Variants in DNAH6 observed in about 807,000 individuals in gnomAD.
DNAH6 encodes dynein axonemal heavy chain 6, also known as axonemal beta dynein heavy chain 6.
Under a neutral mutation model 491.4 loss-of-function variants are expected in DNAH6, and 340 were observed. The ratio of observed to expected loss-of-function variants is 0.69; its 90% CI spans 0.63 to 0.76. DNAH6 has a LOEUF of 0.76. Among genes scored for constraint, DNAH6 ranks in the 30% least tolerant of loss-of-function variants. DNAH6 has a pLI of 0.00. For synonymous variants in DNAH6, 1,603 were observed against 1,686.1 expected, an observed-to-expected ratio of 0.95 and a Z score of 1.21; for missense variants, 4,443 against 4,972.2, an observed-to-expected ratio of 0.89 and a Z score of 3.20.
intron 54 of DNAH6, 46 bp downstream of exon 54, chr2:84,707,762 A>G (rs1462554792): frequency 1.4e-6 from 2 of 1,478,612 alleles, no homozygotes; most frequent in East Asian, 4.9e-5. Context: ...AGCAGCTGAA[A>G]CTGGAGCCAG....
At chr2:84,770,191 A>G (rs539101543) in intron 64 of DNAH6, among the ~76,000 whole-genome samples, 86 of 152,334 alleles carry the variant, frequency 5.6e-4, no homozygotes, top group Non-Finnish European at 1.0e-3. Context: ...ATTAGTTTAT[A>G]AAAGTCTTTA....
the DNAH6 span, among the ~76,000 whole-genome samples, chr2:84,498,648 GCA>G: frequency 6.6e-6 from 1 of 151,990 alleles, no homozygotes; most frequent in Non-Finnish European, 1.5e-5. Flanking sequence ...ATAAGCAAGA[GCA>G]CACTGCATTT....
intron 33 of DNAH6, among the ~76,000 whole-genome samples, chr2:84,645,389 A>C (rs1184393382): frequency 2.6e-5 from 4 of 152,236 alleles, no homozygotes; most frequent in Admixed American, 1.3e-4. Context: ...ATTGCACTCC[A>C]GCCTGGACAA....
At chr2:84,804,925 C>G (rs1679271906) in intron 70 of DNAH6, among the ~76,000 whole-genome samples, 1 of 152,072 alleles carries the variant, frequency 6.6e-6, no homozygotes, top group Non-Finnish European at 1.5e-5. Flanking sequence ...AAGCTATTCC[C>G]CATTCAGCCT....
At chr2:84,622,812 C>T (rs189222045) in intron 26 of DNAH6, among the ~76,000 whole-genome samples, 26 of 152,222 alleles carry the variant, frequency 1.7e-4, no homozygotes, top group Admixed American at 1.1e-3. Context: ...CCAGGGTTCT[C>T]TTTTCTCCAC....
chr2:84,628,243 G>A (rs544539033), intron 29 of DNAH6, among the ~76,000 whole-genome samples: 2 of 152,266 alleles, frequency 1.3e-5, no homozygotes, highest in East Asian at 1.9e-4. Context: ...ATCCTCTAAC[G>A]GTTTCTGCAA....
intron 59 of DNAH6, among the ~76,000 whole-genome samples, chr2:84,721,501 G>A (rs1321639289): frequency 6.6e-6 from 1 of 152,116 alleles, no homozygotes; most frequent in African/African-American, 2.4e-5. Context: ...AGCCATAGGT[G>A]GCTGTTGAGC....
intron 2 of DNAH6, among the ~76,000 whole-genome samples, chr2:84,521,956 C>T (rs1676187681): frequency 6.6e-6 from 1 of 151,876 alleles, no homozygotes; most frequent in Non-Finnish European, 1.5e-5. Flanking sequence ...GGCTATTCAG[C>T]CTCCTTTTTG....
Position 84,577,471 on chromosome 2 carries a change from G to T in DNAH6, c.2076+63G>T, listed in dbSNP as rs181589617. ...ACAATTATTTTATGATTTTTCTACT[G>T]CACAAAAACCTAGTATTTATTTTAT... On this transcript the variant is annotated intron_variant, in intron 13 of 76. Transcript: ENST00000389394. 1.3e-4 allele frequency: 163 copies of T among 1,208,066 alleles called. 1 individual carries two copies. The African/African-American group carries it at 2.2e-3, about 16-fold the overall frequency. The allele number at this position is 1,208,066 out of a possible 1,614,324, so 74.8% of individuals were successfully genotyped here.
At chr2:84,541,778 T>G (rs1482267827) in intron 4 of DNAH6, among the ~76,000 whole-genome samples, 1 of 152,156 alleles carries the variant, frequency 6.6e-6, no homozygotes, top group Admixed American at 6.5e-5. Flanking sequence ...GTCTTCACAT[T>G]TTTTTTGTTA....
chr2:84,760,970 A>T (rs547884172), intron 63 of DNAH6, among the ~76,000 whole-genome samples: 3 of 152,232 alleles, frequency 2.0e-5, no homozygotes, highest in Non-Finnish European at 4.4e-5. Flanking sequence ...ACTACTAGGT[A>T]TCTACCCAAA....
At chr2:84,550,797 CAGAG>C (rs1393520945) in intron 9 of DNAH6, among the ~76,000 whole-genome samples, 2 of 151,938 alleles carry the variant, frequency 1.3e-5, no homozygotes. Flanking sequence ...CATAAACTGG[CAGAG>C]AGAAGCAGGA....
intron 68 of DNAH6, among the ~76,000 whole-genome samples, chr2:84,794,036 A>G (rs1004336678): frequency 5.6e-4 from 86 of 152,246 alleles, no homozygotes; most frequent in African/African-American, 2.1e-3. Flanking sequence ...ATCTACAACT[A>G]TCTGATCTTT....
At chr2:84,686,142 C>T (rs768465405) in intron 43 of DNAH6, among the ~76,000 whole-genome samples, 3 of 150,690 alleles carry the variant, frequency 2.0e-5, no homozygotes, top group Admixed American at 6.6e-5. Context: ...GAGCCGAGAT[C>T]GCATCATTGC....
chr2:84,662,283 A>AC (rs773576231), intron 37 of DNAH6, among the ~76,000 whole-genome samples: 6 of 151,834 alleles, frequency 4.0e-5, no homozygotes, highest in Non-Finnish European at 7.4e-5. Flanking sequence ...CAGTGGCTGC[A>AC]CCCCATGGAG....
intron 70 of DNAH6, among the ~76,000 whole-genome samples, chr2:84,801,612 A>G (rs1048460480): frequency 6.6e-6 from 1 of 152,200 alleles, no homozygotes; most frequent in Admixed American, 6.5e-5. Context: ...GGCCAGGCGC[A>G]GTGGCTCATG....
At chr2:84,554,078 A>G (rs1478369882) in intron 10 of DNAH6, among the ~76,000 whole-genome samples, 1 of 152,182 alleles carries the variant, frequency 6.6e-6, no homozygotes, top group African/African-American at 2.4e-5. Context: ...AACCATCTGT[A>G]GTTCCTTGCC....
Position 84,685,343 on chromosome 2 carries a change from C to T in DNAH6, c.6934C>T (p.Pro2312Ser), listed in dbSNP as rs773663662. 6.7e-7 allele frequency: 1 copy of T among 1,503,320 alleles called. No homozygotes were observed. Among genetic ancestry groups the T allele is most frequent in the African/African-American group, 1.4e-5 (1 of 71,466 alleles). 93.1% of individuals were successfully genotyped at this position (1,503,320 alleles called of 1,614,324 possible). ...AAAAACAGGTATCCTCCAATGTGAT[C>T]CAGGAACAATAAGAGAAGAAATTCA... Reference protein sequence around the residue: ...KCVQGILQCDPGTIREEIQIF... With the variant: ...KCVQGILQCDSGTIREEIQIF... The change falls in exon 43 of 77, where the codon CCA (proline) becomes TCA (serine). Residue 2312 changes from proline (P) to serine (S), a missense_variant. Coordinates refer to ENST00000389394, the MANE Select transcript of DNAH6 (RefSeq NM_001370.2).
At chr2:84,796,102 A>C (rs1046903807) in intron 68 of DNAH6, among the ~76,000 whole-genome samples, 5 of 152,208 alleles carry the variant, frequency 3.3e-5, no homozygotes, top group African/African-American at 1.2e-4. Flanking sequence ...ATGAGAGTAG[A>C]GTACATATAG....
Sources: gnomAD v4.1 joint callset for allele counts (sites outside exome capture counted in the v4.1 genomes callset) on GRCh38, gnomAD v4.1.1 for gene constraint, MANE v1.5 for transcripts, NCBI Gene and HGNC (gene_info 2026-07-23, HGNC 2026-07-21) for gene names.